Variants in ANKRD66 observed in about 807,000 individuals in gnomAD.
ANKRD66 encodes the protein ankyrin repeat domain-containing protein 66.
ANKRD66 carries 10 observed loss-of-function variants against 10.9 expected under a neutral mutation model. That is an observed-to-expected ratio of 0.91 (90% CI 0.56 to 1.55). The LOEUF (loss-of-function observed/expected upper bound fraction) is 1.55, where lower values mean the gene tolerates loss of function less well. ANKRD66 is among the 40% of genes most tolerant of loss of function. The pLI, the probability that ANKRD66 is intolerant of heterozygous loss-of-function variation, is 0.00. For synonymous variants in ANKRD66, 85 were observed against 88.4 expected (o/e 0.96, Z 0.22); for missense variants, 252 against 242.9 (o/e 1.04, Z -0.25).
chr6:46,751,845 G>A lies in ANKRD66; in HGVS notation c.-12-92G>A, dbSNP rs532247638. The A allele has an allele frequency of 1.7e-5, 21 of 1,272,142 alleles. No individual in the cohort carries two copies. The South Asian group carries it at 3.1e-4, about 18-fold the overall frequency. 78.8% of individuals were successfully genotyped at this position (1,272,142 alleles called of 1,614,324 possible). A position where few individuals can be genotyped will look rare whatever the true frequency, so the allele number is the denominator to read the frequency against. ...ACTGAGAGGCAAATGCATGCGGCAG[G>A]AAAGGAAATAAATGATACAGAAGTC... is the stretch of plus-strand genomic sequence containing the variant. On this transcript the variant is annotated intron_variant, in intron 2 of 4. Transcript: ENST00000565422.
chr6:46,749,146 C>A (rs750436491), intron 1 of ANKRD66, among the ~76,000 whole-genome samples: 1 of 152,200 alleles, frequency 6.6e-6, no homozygotes. Flanking sequence ...CAGCCCACAG[C>A]TGTGCCTGGC....
Position 46,753,931 on chromosome 6 carries a change from T to C in ANKRD66, c.373T>C (p.Cys125Arg). 1.3e-6 allele frequency: 2 copies of C among 1,551,164 alleles called. No homozygotes were observed. Among genetic ancestry groups the C allele is most frequent in the Non-Finnish European group, 1.7e-6 (2 of 1,146,784 alleles). Residue 125 changes from cysteine to arginine, a missense_variant, in exon 4 of 5, where the codon TGT becomes CGT. Transcript: ENST00000565422. ...TGCACAGATCTATGGACAGAAAGCC[T>C]GTGTGGCATTTCTGGAAAAGTAAGT... ...RIAQIYGQKA[C>R]VAFLEKAEPE...
intron 4 of ANKRD66, chr6:46,756,394 A>G (rs9381480): frequency 0.15 from 24,337 of 161,960 alleles, 2,298 homozygotes; most frequent in South Asian, 0.24. Context: ...GGAAATGTCA[A>G]CTGTCTTTAT....
Position 46,753,832 on chromosome 6 carries a change from A to G in ANKRD66, c.274A>G (p.Ile92Val), listed in dbSNP as rs377052709. ...TGCAGCAGAAGCAGGCCATCTGAAT[A>G]TACTCAAAACTCTCCATGCATTGCA... ...HFAAEAGHLN[I>V]LKTLHALHAA... is the part of the protein sequence containing the mutation. The change falls in exon 4 of 5, where the codon ATA becomes GTA. Residue 92 changes from isoleucine (I) to valine (V), a missense_variant. Physicochemically the swap from Ile to Val is conservative, Grantham distance 29 (BLOSUM62 3). Coordinates refer to ENST00000565422, the MANE Select transcript of ANKRD66 (RefSeq NM_001162435.3). 6.0e-5 allele frequency: 93 copies of G among 1,551,704 alleles called. No individual in the cohort carries two copies. The African/African-American group carries it at 1.1e-3, about 18-fold the overall frequency.
At chr6:46,749,553 C>CCA (rs1337084093) in intron 1 of ANKRD66, among the ~76,000 whole-genome samples, 39 of 74,124 alleles carry the variant, frequency 5.3e-4, no homozygotes, top group African/African-American at 1.6e-3. Flanking sequence ...CTTTTATTCC[C>CCA]CCCCCCCCCC....
chr6:46,752,693 C>A (rs1766296774), intron 3 of ANKRD66, among the ~76,000 whole-genome samples: 1 of 152,192 alleles, frequency 6.6e-6, no homozygotes, highest in Non-Finnish European at 1.5e-5. Context: ...AATGAGTGTA[C>A]AGTGCCTATC....
At chr6:46,748,935 T>A (rs1406884057) in intron 1 of ANKRD66, among the ~76,000 whole-genome samples, 1 of 152,192 alleles carries the variant, frequency 6.6e-6, no homozygotes, top group Non-Finnish European at 1.5e-5. Flanking sequence ...ACCTACTAAA[T>A]CAGAATCTGC....
intron 4 of ANKRD66, chr6:46,758,521 G>A (rs192933526): frequency 1.0e-4 from 45 of 435,112 alleles, no homozygotes; most frequent in African/African-American, 5.1e-4. Context: ...CATCTCACTC[G>A]GGTCCCACAA....
At chr6:46,754,084 T>C (rs1766324104) in intron 4 of ANKRD66, 134 bp downstream of exon 4, 1 of 803,870 alleles carries the variant, frequency 1.2e-6, no homozygotes, top group Non-Finnish European at 1.8e-6. Context: ...ATTATTTTTA[T>C]TGATTTTTTT....
At chr6:46,751,512 T>C (rs550770237) in intron 2 of ANKRD66, among the ~76,000 whole-genome samples, 1 of 152,284 alleles carries the variant, frequency 6.6e-6, no homozygotes, top group East Asian at 1.9e-4. Context: ...CAAATTGACA[T>C]TTATCCTTAC....
At chr6:46,758,319 T>A (rs1164398506) in intron 4 of ANKRD66, 1 of 158,292 alleles carries the variant, frequency 6.3e-6, no homozygotes, top group Non-Finnish European at 1.4e-5. Flanking sequence ...GATTCTCATT[T>A]TGTTCCTTAT....
At chr6:46,758,486 G>A in intron 4 of ANKRD66, 1 of 384,938 alleles carries the variant, frequency 2.6e-6, no homozygotes. Context: ...TCTTCAAGCT[G>A]AGTGACTATC....
chr6:46,752,183 A>G, intron 3 of ANKRD66, 72 bp downstream of exon 3: 2 of 1,328,712 alleles, frequency 1.5e-6, no homozygotes, highest in Non-Finnish European at 1.9e-6. Flanking sequence ...TCAGTAGGCT[A>G]TGTGGGGGAG....
At chr6:46,753,054 GTGATGGTAGCTA>G (rs781066198) in intron 3 of ANKRD66, among the ~76,000 whole-genome samples, 3 of 152,218 alleles carry the variant, frequency 2.0e-5, no homozygotes, top group Non-Finnish European at 4.4e-5. Flanking sequence ...TAAGTACAGA[GTGATGGTAGCTA>G]TACCGAAACA....
intron 4 of ANKRD66, among the ~76,000 whole-genome samples, chr6:46,755,142 A>G (rs1766358056): frequency 6.6e-6 from 1 of 152,174 alleles, no homozygotes. Context: ...TATGAGTACC[A>G]TAATACACTT....
intron 4 of ANKRD66, among the ~76,000 whole-genome samples, chr6:46,754,563 C>T (rs527792158): frequency 3.3e-5 from 5 of 152,200 alleles, no homozygotes; most frequent in South Asian, 2.1e-4. Flanking sequence ...TCGATTGTTT[C>T]GACAAGCAAT....
intron 4 of ANKRD66, chr6:46,758,137 T>C (rs561326945): frequency 1.3e-5 from 2 of 152,376 alleles, no homozygotes; most frequent in East Asian, 3.9e-4. Context: ...CAAGTACCTT[T>C]AAGCAAGTCA....
At chr6:46,756,197 A>G in intron 4 of ANKRD66, 1 of 335,054 alleles carries the variant, frequency 3.0e-6, no homozygotes, top group Middle Eastern at 3.8e-4. Context: ...GAAGGACAAC[A>G]TGTCCTTCCT....
At chr6:46,752,260 A>T (rs1212451278) in intron 3 of ANKRD66, 149 bp downstream of exon 3, 1 of 958,778 alleles carries the variant, frequency 1.0e-6, no homozygotes, top group Non-Finnish European at 1.4e-6. Context: ...TTTGAGACAG[A>T]GTCTCGCTCT....
Sources: allele counts gnomAD v4.1 joint callset (sites outside exome capture counted in the v4.1 genomes callset), GRCh38; gene constraint gnomAD v4.1.1; transcripts MANE v1.5; gene names NCBI Gene and HGNC (gene_info 2026-07-23, HGNC 2026-07-21).